The following CLTC variants were observed in gnomAD, a reference collection of about 807,000 sequenced individuals.
CLTC encodes the protein clathrin heavy chain.
Under a neutral mutation model 195.8 loss-of-function variants are expected in CLTC, and 16 were observed. The observed-to-expected ratio is 0.08, with a 90% CI of 0.06 to 0.12. The LOEUF (loss-of-function observed/expected upper bound fraction) is 0.12. Ranked by LOEUF, CLTC falls within the 10% of genes least tolerant of loss-of-function variation. The pLI is 1.00. For synonymous variants in CLTC, 667 were observed against 689.4 expected (o/e 0.97, Z 0.51); for missense variants, 796 against 2,027.0 (o/e 0.39, Z 11.66).
At chr17:59,642,851 CTT>C (rs2032077490) in intron 1 of CLTC, among the ~76,000 whole-genome samples, 1 of 152,066 alleles carries the variant, frequency 6.6e-6, no homozygotes, top group Non-Finnish European at 1.5e-5. Context: ...ACATTAATAA[CTT>C]AATACCAGTA....
Position 59,685,250 on chromosome 17 carries a change from G to A in CLTC, c.4605+24G>A. The A allele has an allele frequency of 1.3e-6, 2 of 1,561,108 alleles. No homozygotes were observed. The highest frequency in any genetic ancestry group is 1.7e-6 in the Non-Finnish European group (2 of 1,148,822). ...AGGTTGATAAAGTTGCGGGGCAGGG[G>A]CTGTTTTAAACCAGGCCTAAAATGG... On this transcript the variant is annotated intron_variant, in intron 29 of 31. Transcript: ENST00000269122. The surrounding 1 kb of genome is among the most constrained non-coding windows in gnomAD (Gnocchi z 5.0).
rs2033088506 is a variant in CLTC, at chr17:59,681,868, C to T, written c.3442+29C>T. ...TGACTTCTTACCTTATGTATTGAAA[C>T]CTCATAAAATGATTAAGCTAAGCAT... On this transcript the variant is annotated intron_variant, in intron 21 of 31. Coordinates refer to ENST00000269122, the MANE Select transcript of CLTC (RefSeq NM_004859.4). This position sits in a 1 kb window ranked among gnomAD's most constrained non-coding sequence, Gnocchi z 5.0. The T allele has an allele frequency of 2.6e-6, 4 of 1,555,200 alleles. No individual in the cohort carries two copies. The highest frequency in any genetic ancestry group is 3.5e-6 in the Non-Finnish European group (4 of 1,142,504).
chr17:59,654,476 C>CT (rs2032413919), intron 5 of CLTC, among the ~76,000 whole-genome samples: 1 of 151,412 alleles, frequency 6.6e-6, no homozygotes, highest in Non-Finnish European at 1.5e-5. Context: ...CTGCACCCAG[C>CT]TGTGTATAAC....
chr17:59,636,585 C>T (rs2031866941), intron 1 of CLTC, among the ~76,000 whole-genome samples: 1 of 151,614 alleles, frequency 6.6e-6, no homozygotes, highest in Non-Finnish European at 1.5e-5. Flanking sequence ...AACTCCTGGC[C>T]TCAAGCTATC....
Position 59,647,624 on chromosome 17 carries a change from T to G in CLTC, c.477T>G (p.Asp159Glu). The G allele has an allele frequency of 6.2e-7, 1 of 1,614,142 alleles. No homozygotes were observed. Residue 159 changes from aspartate (D) to glutamate (E), a missense_variant, in exon 3 of 32, where the codon GAT becomes GAG. Asp to Glu is a conservative substitution (Grantham distance 45). This residue lies in a region of CLTC where 293 missense variants were observed against 795.6 expected (regional missense o/e 0.37). Coordinates refer to ENST00000269122, the MANE Select transcript of CLTC (RefSeq NM_004859.4). ...GCCAGATTATCAATTACCGTACAGA[T>G]GCAAAACAAAAGTGGTTACTTCTGA... ...AGCQIINYRT[D>E]AKQKWLLLTG...
chr17:59,683,244 T>G lies in CLTC; in HGVS notation c.4023T>G (p.Ser1341=). 1 of 1,614,028 alleles carries G rather than the reference T, an allele frequency of 6.2e-7. No individual in the cohort carries two copies. Among genetic ancestry groups the G allele is most frequent in the Non-Finnish European group, 8.5e-7 (1 of 1,179,938 alleles). Reference sequence around the variant, plus strand: ...GGGAGCACCTGGAGCTGTTCTGGTCTAGAGTGAATATTCCCAAGGTAACCA... The same window carrying G: ...GGGAGCACCTGGAGCTGTTCTGGTCGAGAGTGAATATTCCCAAGGTAACCA... ...KMREHLELFW[S]RVNIPKVLRA... is the part of the protein sequence containing the mutation. Residue 1341 remains serine (S), a synonymous_variant, in exon 25 of 32, where the codon TCT becomes TCG. Transcript: ENST00000269122. This position sits in a 1 kb window ranked among gnomAD's most constrained non-coding sequence, Gnocchi z 6.1.
Position 59,681,354 on chromosome 17 carries a change from A to AGT in CLTC, c.3126_3127dup (p.Tyr1043CysfsTer44). The AGT allele has an allele frequency of 6.2e-7, 1 of 1,614,078 alleles. No individual in the cohort carries two copies. Among genetic ancestry groups the AGT allele is most frequent in the Non-Finnish European group, 8.5e-7 (1 of 1,179,970 alleles). On this transcript the variant is annotated frameshift_variant, in exon 20 of 32. Transcript: ENST00000269122. LOFTEE classifies it high-confidence loss of function. This position sits in a 1 kb window ranked among gnomAD's most constrained non-coding sequence, Gnocchi z 5.0. ...AAGGCTGACCGTACACGTGTTATGG[A>AGT]GTATATTAACCGCCTGGATAATTAT...
At position 59,648,170 on chromosome 17, in the gene CLTC, C is replaced by G; in HGVS notation, c.520-70C>G. 2 of 1,330,604 alleles carry G rather than the reference C, an allele frequency of 1.5e-6. No individual in the cohort carries two copies. Among genetic ancestry groups the G allele is most frequent in the Non-Finnish European group, 2.1e-6 (2 of 968,426 alleles). 82.4% of individuals were successfully genotyped at this position (1,330,604 alleles called of 1,614,324 possible). ...AGATGACAAAGCATTCTAATTATTT[C>G]ATTACTTGATGAATCTGAGAGTTTT... is the stretch of plus-strand genomic sequence containing the variant. On this transcript the variant is annotated intron_variant, in intron 3 of 31. Coordinates refer to ENST00000269122, the MANE Select transcript of CLTC (RefSeq NM_004859.4). This position sits in a 1 kb window ranked among gnomAD's most constrained non-coding sequence, Gnocchi z 4.5.
chr17:59,694,026 C>A lies in CLTC; in HGVS notation c.*174C>A. 1.9e-6 allele frequency: 1 copy of A among 538,900 alleles called. No homozygotes were observed. Among genetic ancestry groups the A allele is most frequent in the Non-Finnish European group, 3.0e-6 (1 of 338,078 alleles). The allele number at this position is 538,900 out of a possible 1,614,324, so 33.4% of individuals were successfully genotyped here. ...GATCACCTATGTTAAAACCTTATTT[C>A]ACATTCCACATCATTTTAGAATTTA... On this transcript the variant is annotated 3_prime_UTR_variant, in exon 32 of 32. Transcript: ENST00000269122.
chr17:59,657,421 T>G (rs2032497564), intron 6 of CLTC, among the ~76,000 whole-genome samples: 1 of 152,174 alleles, frequency 6.6e-6, no homozygotes, highest in African/African-American at 2.4e-5. Flanking sequence ...AAAAGCAGTT[T>G]TAAAAATTCA....
intron 1 of CLTC, among the ~76,000 whole-genome samples, chr17:59,643,962 CT>C (rs1292550648): frequency 3.9e-5 from 6 of 152,148 alleles, no homozygotes; most frequent in Non-Finnish European, 7.3e-5. Context: ...GTTCCAAGGT[CT>C]TAAAATAAAT....
At chr17:59,673,527 C>A in intron 14 of CLTC, 120 bp from the exon 15 acceptor site, 1 of 700,134 alleles carries the variant, frequency 1.4e-6, no homozygotes, top group Non-Finnish European at 2.4e-6. Context: ...CTTTCTTTAA[C>A]AGAAGAGCTA....
At chr17:59,693,380 T>TA (rs755036908) in intron 31 of CLTC, among the ~76,000 whole-genome samples, 1 of 106,168 alleles carries the variant, frequency 9.4e-6, no homozygotes. Flanking sequence ...TTTTTTTTTT[T>TA]AAAAAGTCTT....
chr17:59,661,283 C>T (rs12603541), intron 7 of CLTC, among the ~76,000 whole-genome samples, 160 bp from the exon 8 acceptor site: 17,954 of 152,028 alleles, frequency 0.12, 1,680 homozygotes, highest in East Asian at 0.45. Flanking sequence ...TTGAAACTTC[C>T]TAACTTGATG....
Position 59,683,933 on chromosome 17 carries a change from A to G in CLTC, c.4382A>G (p.Lys1461Arg). ...YLRSVQNHNN[K>R]SVNESLNNLF... ...CGTTCAGTTCAGAACCATAACAACA[A>G]ATCTGTGAATGAATCATTGAACAAT... The change falls in exon 28 of 32, where the codon AAA becomes AGA. Residue 1461 changes from lysine (K) to arginine (R), a missense_variant. Physicochemically the swap from Lys to Arg is conservative, Grantham distance 26. Coordinates refer to ENST00000269122, the MANE Select transcript of CLTC (RefSeq NM_004859.4). The surrounding 1 kb of genome is among the most constrained non-coding windows in gnomAD (Gnocchi z 6.1). The G allele has an allele frequency of 6.2e-7, 1 of 1,613,410 alleles. No individual in the cohort carries two copies. The highest frequency in any genetic ancestry group is 8.5e-7 in the Non-Finnish European group (1 of 1,179,362).
rs1164870674 is a variant in CLTC, at chr17:59,696,537, A to G, written c.*2685A>G. Reference sequence around the variant, plus strand: ...CTAAAAGAAGGCTTAAATAGTTTCTAACAAGATGACTATCAGGAAGCTATG... The same window carrying G: ...CTAAAAGAAGGCTTAAATAGTTTCTGACAAGATGACTATCAGGAAGCTATG... On this transcript the variant is annotated 3_prime_UTR_variant, in exon 32 of 32. Coordinates refer to ENST00000269122, the MANE Select transcript of CLTC (RefSeq NM_004859.4). 1 of 182,324 alleles carries G rather than the reference A, an allele frequency of 5.5e-6. No homozygotes were observed. Among genetic ancestry groups the G allele is most frequent in the Non-Finnish European group, 1.1e-5 (1 of 90,568 alleles). 11.3% of individuals were successfully genotyped at this position (182,324 alleles called of 1,614,324 possible). A position where few individuals can be genotyped will look rare whatever the true frequency, so the allele number is the denominator to read the frequency against.
chr17:59,660,434 T>C lies in CLTC; in HGVS notation c.1013T>C (p.Ile338Thr), dbSNP rs2143540713. 6.2e-7 allele frequency: 1 copy of C among 1,614,094 alleles called. No individual in the cohort carries two copies. Among genetic ancestry groups the C allele is most frequent in the Non-Finnish European group, 8.5e-7 (1 of 1,179,986 alleles). ...CVEEENIIPY[I>T]TNVLQNPDLA... ...GAAGAAGAAAACATAATTCCTTACA[T>C]CACCAATGTTCTACAAAATCCTGAT... Residue 338 changes from isoleucine to threonine, a missense_variant, in exon 7 of 32, where the codon ATC (isoleucine) becomes ACC (threonine). Physicochemically the swap from Ile to Thr is moderately conservative, Grantham distance 89. This residue lies in a region of CLTC where 293 missense variants were observed against 795.6 expected (regional missense o/e 0.37). Transcript: ENST00000269122.
At chr17:59,647,023 T>G (rs572143139) in intron 2 of CLTC, among the ~76,000 whole-genome samples, 1 of 152,346 alleles carries the variant, frequency 6.6e-6, no homozygotes, top group Non-Finnish European at 1.5e-5. Flanking sequence ...TTGCTTTGTC[T>G]TGTGTACATG....
At chr17:59,646,151 C>A (rs1479200206) in intron 2 of CLTC, 1 of 187,380 alleles carries the variant, frequency 5.3e-6, no homozygotes, top group Non-Finnish European at 1.0e-5. Flanking sequence ...TGGAGTCAAG[C>A]TGTCATCCCT....
Sources: gnomAD v4.1 joint callset for allele counts (sites outside exome capture counted in the v4.1 genomes callset) on GRCh38, gnomAD v4.1.1 for gene constraint, gnomAD v4.1.1 regional missense constraint, Gnocchi (gnomAD v3.1) non-coding constraint, MANE v1.5 for transcripts, NCBI Gene and HGNC (gene_info 2026-07-23, HGNC 2026-07-21) for gene names.